LCLAT1: variants seen among roughly 807,000 people sequenced by gnomAD.
LCLAT1 encodes 1-AGP acyltransferase 8.
In LCLAT1, 11 loss-of-function variants were observed where a neutral mutation model predicts 30.7. The observed-to-expected ratio is 0.36, with a 90% CI of 0.23 to 0.59. LCLAT1 has a LOEUF of 0.59. Ranked by LOEUF, LCLAT1 falls within the 20% of genes least tolerant of loss-of-function variation. The probability of loss-of-function intolerance (pLI) is 0.77; values close to 1 mark genes in which losing one functional copy is unlikely to be tolerated. For missense variants in LCLAT1, 402 were observed against 458.6 expected (o/e 0.88, Z 1.13); for synonymous variants, 155 against 151.3 (o/e 1.02, Z -0.18).
At chr2:30,594,553 C>T (rs1053579400) in intron 5 of LCLAT1, among the ~76,000 whole-genome samples, 1 of 152,086 alleles carries the variant, frequency 6.6e-6, no homozygotes, top group Non-Finnish European at 1.5e-5. Context: ...ACTAAGATTC[C>T]TTTAATTGTG....
At chr2:30,489,613 A>G (rs1683740075) in intron 1 of LCLAT1, among the ~76,000 whole-genome samples, 2 of 152,142 alleles carry the variant, frequency 1.3e-5, no homozygotes, top group South Asian at 4.1e-4. Flanking sequence ...TGGCCTCCCA[A>G]AGTGCTGGGA....
rs144148039 is a variant in LCLAT1, at chr2:30,477,619, G to A, written c.-5+30236G>A. ...CATCTCTCCCTGATTTCACTTCTGC[G>A]CATACCTAAAGACTTGATGTTATCA... On this transcript the variant is annotated intron_variant, in intron 1 of 5. Coordinates refer to ENST00000379509, the MANE Select transcript of LCLAT1 (RefSeq NM_001002257.3). Among the ~76,000 whole-genome samples, 535 of 152,126 alleles carry A rather than the reference G, an allele frequency of 3.5e-3. 1 individual carries two copies. The highest frequency in any genetic ancestry group is 0.011 in the African/African-American group (463 of 41,488).
chr2:30,567,924 TCTC>T, intron 4 of LCLAT1, 133 bp from the exon 5 acceptor site: 1 of 531,966 alleles, frequency 1.9e-6, no homozygotes, highest in Non-Finnish European at 3.4e-6. Flanking sequence ...GTTTGTATCT[TCTC>T]ATTTGACTCA....
At chr2:30,480,263 G>A (rs1271234236) in intron 1 of LCLAT1, among the ~76,000 whole-genome samples, 1 of 152,238 alleles carries the variant, frequency 6.6e-6, no homozygotes, top group African/African-American at 2.4e-5. Flanking sequence ...CCAGGGTGGA[G>A]TGCAGTGGCT....
intron 5 of LCLAT1, among the ~76,000 whole-genome samples, chr2:30,596,141 C>T (rs1218754322): frequency 6.6e-6 from 1 of 152,080 alleles, no homozygotes; most frequent in African/African-American, 2.4e-5. Flanking sequence ...ATTTATGTTC[C>T]ATTGGGTATA....
At chr2:30,571,784 A>G (rs1665790634) in intron 5 of LCLAT1, among the ~76,000 whole-genome samples, 1 of 152,226 alleles carries the variant, frequency 6.6e-6, no homozygotes. Flanking sequence ...ACCTTCCGTT[A>G]TGTTAAATAA....
chr2:30,532,354 T>A (rs1686022512), intron 2 of LCLAT1, among the ~76,000 whole-genome samples: 1 of 152,168 alleles, frequency 6.6e-6, no homozygotes, highest in African/African-American at 2.4e-5. Context: ...TCTCTCTTTA[T>A]TAATAAGTCA....
chr2:30,450,613 C>T (rs1681497915), intron 1 of LCLAT1, among the ~76,000 whole-genome samples: 1 of 152,170 alleles, frequency 6.6e-6, no homozygotes, highest in South Asian at 2.1e-4. Flanking sequence ...TAAAGCTGAT[C>T]TCCACTTAAA....
At chr2:30,617,968 A>G (rs1021908770) in intron 5 of LCLAT1, among the ~76,000 whole-genome samples, 16 of 152,096 alleles carry the variant, frequency 1.1e-4, no homozygotes, top group African/African-American at 3.1e-4. Flanking sequence ...ATACTGTCTT[A>G]TGAAGAGTAG....
At chr2:30,566,788 A>G (rs1006094109) in intron 4 of LCLAT1, among the ~76,000 whole-genome samples, 4 of 152,232 alleles carry the variant, frequency 2.6e-5, no homozygotes, top group African/African-American at 9.6e-5. Context: ...TATTTGCTGA[A>G]TAATGGGTTT....
In LCLAT1 at chr2:30,447,256, CG is replaced by C. The variant is rs1681290700; in HGVS notation, c.-130del. 6.6e-6 allele frequency: 1 copy of C among 151,996 alleles called. No homozygotes were observed. Among genetic ancestry groups the C allele is most frequent in the African/African-American group, 2.4e-5 (1 of 41,394 alleles). The allele number at this position is 151,996 out of a possible 1,614,324, so 9.4% of individuals were successfully genotyped here. On this transcript the variant is annotated 5_prime_UTR_variant, in exon 1 of 6. Transcript: ENST00000379509. Reference sequence around the variant, plus strand: ...CTTCCGGGACGCATTACTAGGGCGACGGCCGGACGCCTCCGCGTTACGGGAT... The same window carrying C: ...CTTCCGGGACGCATTACTAGGGCGACGCCGGACGCCTCCGCGTTACGGGAT...
rs577121720 is a variant in LCLAT1 at position 30,558,492 on chromosome 2, C to T, written c.365-3654C>T. ...GCATGTGCCTGTAGTCCCAACTACT[C>T]GAGGCTGAGGCTGGAGAATTGCTTG... On this transcript the variant is annotated intron_variant, in intron 3 of 5. Coordinates refer to ENST00000379509, the MANE Select transcript of LCLAT1 (RefSeq NM_001002257.3). Among the ~76,000 whole-genome samples the T allele has an allele frequency of 1.2e-4, 18 of 149,288 alleles. No individual in the cohort carries two copies. In the South Asian group the frequency reaches 3.2e-3, roughly 26 times the overall value.
chr2:30,555,924 G>A (rs1480833199), intron 3 of LCLAT1, among the ~76,000 whole-genome samples: 3 of 146,884 alleles, frequency 2.0e-5, no homozygotes, highest in African/African-American at 5.0e-5. Flanking sequence ...TGCAAGCTCC[G>A]CCTCCTGGTT....
intron 5 of LCLAT1, among the ~76,000 whole-genome samples, chr2:30,573,697 A>G (rs1213661519): frequency 6.6e-6 from 1 of 152,126 alleles, no homozygotes; most frequent in Non-Finnish European, 1.5e-5. Context: ...CTTGCTTTAT[A>G]TTCCCTATAT....
intron 1 of LCLAT1, among the ~76,000 whole-genome samples, chr2:30,447,998 G>A (rs1412150225): frequency 1.3e-5 from 2 of 152,218 alleles, no homozygotes; most frequent in African/African-American, 4.8e-5. Context: ...AAGGTGTATC[G>A]TAGCTTCTAA....
At chr2:30,498,198 G>C (rs887407736) in intron 1 of LCLAT1, among the ~76,000 whole-genome samples, 2 of 152,182 alleles carry the variant, frequency 1.3e-5, no homozygotes, top group Non-Finnish European at 2.9e-5. Context: ...GCTGAGTCCG[G>C]GGATTTTATG....
intron 1 of LCLAT1, among the ~76,000 whole-genome samples, chr2:30,474,231 C>G (rs1477274028): frequency 3.3e-5 from 5 of 152,178 alleles, no homozygotes; most frequent in African/African-American, 9.7e-5. Flanking sequence ...CTCAGGAGGA[C>G]AACTGAACCT....
At chr2:30,520,882 G>C (rs1685438649) in intron 1 of LCLAT1, among the ~76,000 whole-genome samples, 1 of 152,082 alleles carries the variant, frequency 6.6e-6, no homozygotes, top group Non-Finnish European at 1.5e-5. Context: ...GTATAGTCTT[G>C]TGACTGTCAG....
chr2:30,477,687 G>T (rs1683117500), intron 1 of LCLAT1, among the ~76,000 whole-genome samples: 1 of 152,136 alleles, frequency 6.6e-6, no homozygotes, highest in African/African-American at 2.4e-5. Context: ...CCTGAGTAAT[G>T]AGAAGGAATG....
Sources: gnomAD v4.1 joint callset for allele counts (sites outside exome capture counted in the v4.1 genomes callset) on GRCh38, gnomAD v4.1.1 for gene constraint, MANE v1.5 for transcripts, NCBI Gene and HGNC (gene_info 2026-07-23, HGNC 2026-07-21) for gene names.